CSMD1: variants seen among roughly 807,000 people sequenced by gnomAD.
CSMD1 encodes the protein CUB and sushi domain-containing protein 1.
CSMD1 carries 213 observed loss-of-function variants against 417.5 expected under a neutral mutation model. The ratio of observed to expected loss-of-function variants is 0.51; its 90% CI spans 0.46 to 0.57. The LOEUF is 0.57. Among genes scored for constraint, CSMD1 ranks in the 20% least tolerant of loss-of-function variants. The probability of loss-of-function intolerance (pLI) is 0.00; values close to 1 mark genes in which losing one functional copy is unlikely to be tolerated. For synonymous variants in CSMD1, 2,862 were observed against 1,736.8 expected (o/e 1.65, Z -16.11); for missense variants, 6,923 against 4,529.7 (o/e 1.53, Z -15.17).
chr8:4,959,468 G>A (rs773199582), intron 1 of CSMD1, among the ~76,000 whole-genome samples: 19 of 152,316 alleles, frequency 1.2e-4, no homozygotes, highest in African/African-American at 3.4e-4. Flanking sequence ...GAGAGGCAAC[G>A]CCCTCAGGAT....
intron 1 of CSMD1, among the ~76,000 whole-genome samples, chr8:4,718,192 G>C (rs560265706): frequency 8.8e-4 from 134 of 152,184 alleles, no homozygotes; most frequent in African/African-American, 3.1e-3. Context: ...GCCCAGGCTG[G>C]TCTCAAACTC....
chr8:3,875,375 G>C (rs926096966), intron 5 of CSMD1, among the ~76,000 whole-genome samples: 1 of 152,166 alleles, frequency 6.6e-6, no homozygotes, highest in Non-Finnish European at 1.5e-5. Flanking sequence ...TGACGTTTTG[G>C]CGACTTCTGC....
intron 8 of CSMD1, among the ~76,000 whole-genome samples, chr8:3,601,880 TAG>T (rs1303652538): frequency 6.6e-6 from 1 of 152,128 alleles, no homozygotes; most frequent in African/African-American, 2.4e-5. Flanking sequence ...AGGAGAGAGT[TAG>T]TGTTCACAGA....
chr8:3,255,598 C>A (rs1246263915), intron 26 of CSMD1, among the ~76,000 whole-genome samples: 1 of 152,182 alleles, frequency 6.6e-6, no homozygotes, highest in Non-Finnish European at 1.5e-5. Context: ...TTGCTGCAGC[C>A]CTGCAGTTTG....
Position 3,438,184 on chromosome 8 carries a change from T to C in CSMD1, c.1562-28579A>G, listed in dbSNP as rs182890184. Among the ~76,000 whole-genome samples the C allele has an allele frequency of 3.3e-3, 500 of 152,318 alleles. 3 individuals carry two copies. The highest frequency in any genetic ancestry group is 0.023 in the South Asian group (110 of 4,826). On this transcript the variant is annotated intron_variant, in intron 12 of 69. Coordinates refer to ENST00000635120, the MANE Select transcript of CSMD1 (RefSeq NM_033225.6). Reference sequence around the variant, plus strand: ...ATTATTTTTAACAAATTTTTGAATTTTGAGATAATTATAGATCCATATGCA... The same window carrying C: ...ATTATTTTTAACAAATTTTTGAATTCTGAGATAATTATAGATCCATATGCA...
chr8:4,265,019 A>C lies in CSMD1; in HGVS notation c.415+154934T>G, dbSNP rs555005827. On this transcript the variant is annotated intron_variant, in intron 3 of 69. Coordinates refer to ENST00000635120, the MANE Select transcript of CSMD1 (RefSeq NM_033225.6). ...CACTTATCAATATGTCAAGTATATA[A>C]ATTTAAGTTAATGTTGCTGAGGTCA... Among the ~76,000 whole-genome samples the C allele has an allele frequency of 8.8e-4, 134 of 152,274 alleles. No homozygotes were observed. The South Asian group carries it at 0.027, about 31-fold the overall frequency.
chr8:4,351,100 C>T (rs1183342228), intron 3 of CSMD1, among the ~76,000 whole-genome samples: 3 of 152,026 alleles, frequency 2.0e-5, no homozygotes, highest in Non-Finnish European at 2.9e-5. Context: ...CAGAGGATCG[C>T]CTGAGCCCAG....
intron 5 of CSMD1, among the ~76,000 whole-genome samples, chr8:3,871,842 C>T (rs569574088): frequency 1.3e-5 from 2 of 152,222 alleles, no homozygotes; most frequent in African/African-American, 4.8e-5. Context: ...ACACAATTAG[C>T]TTGTGAGCCA....
chr8:4,501,029 TA>T (rs745621398), intron 2 of CSMD1, among the ~76,000 whole-genome samples: 23 of 152,210 alleles, frequency 1.5e-4, no homozygotes, highest in Non-Finnish European at 2.8e-4. Context: ...TGGGAGTAAC[TA>T]CCTTGGGTTA....
chr8:3,970,934 G>A (rs145959245), intron 5 of CSMD1, among the ~76,000 whole-genome samples: 2,040 of 152,082 alleles, frequency 0.013, 25 homozygotes, highest in Non-Finnish European at 0.019. Context: ...TATTTTTAGT[G>A]GAGATGAGGT....
At chr8:4,947,329 T>C (rs1808435301) in intron 1 of CSMD1, among the ~76,000 whole-genome samples, 1 of 152,172 alleles carries the variant, frequency 6.6e-6, no homozygotes, top group Admixed American at 6.5e-5. Context: ...TCAGTTCTTC[T>C]CCCAGTTAAA....
At chr8:3,455,164 A>G (rs1816022582) in intron 12 of CSMD1, among the ~76,000 whole-genome samples, 2 of 152,122 alleles carry the variant, frequency 1.3e-5, no homozygotes, top group Non-Finnish European at 2.9e-5. Flanking sequence ...CAGTTCCATT[A>G]GGTCCTTTAA....
intron 2 of CSMD1, among the ~76,000 whole-genome samples, chr8:4,458,784 G>C (rs1799637340): frequency 6.6e-6 from 1 of 151,776 alleles, no homozygotes; most frequent in Non-Finnish European, 1.5e-5. Flanking sequence ...ATAACGGTTA[G>C]GAATATTTAA....
At chr8:3,609,329 C>A (rs1222169641) in intron 8 of CSMD1, among the ~76,000 whole-genome samples, 1 of 152,152 alleles carries the variant, frequency 6.6e-6, no homozygotes, top group Non-Finnish European at 1.5e-5. Flanking sequence ...TGAATACTTC[C>A]ATCAATCTTA....
At chr8:4,052,742 A>G (rs1798496840) in intron 3 of CSMD1, among the ~76,000 whole-genome samples, 1 of 151,352 alleles carries the variant, frequency 6.6e-6, no homozygotes, top group African/African-American at 2.5e-5. Context: ...ACATGATAAA[A>G]GAACAAGTTT....
chr8:3,948,180 G>A (rs904667764), intron 5 of CSMD1, among the ~76,000 whole-genome samples: 1 of 152,012 alleles, frequency 6.6e-6, no homozygotes, highest in African/African-American at 2.4e-5. Flanking sequence ...ACTGCAGCCT[G>A]GCAACAGACC....
intron 3 of CSMD1, among the ~76,000 whole-genome samples, chr8:4,380,732 C>T (rs1485690632): frequency 2.0e-5 from 3 of 152,156 alleles, no homozygotes; most frequent in African/African-American, 4.8e-5. Flanking sequence ...TATGGGAGCA[C>T]TTCATACTGT....
chr8:4,105,677 T>C (rs1340703978), intron 3 of CSMD1, among the ~76,000 whole-genome samples: 1 of 152,220 alleles, frequency 6.6e-6, no homozygotes, highest in Non-Finnish European at 1.5e-5. Context: ...TTAGCAGGTT[T>C]ACCTGTCATA....
chr8:3,610,017 G>C (rs997649314), intron 8 of CSMD1, among the ~76,000 whole-genome samples: 2 of 151,716 alleles, frequency 1.3e-5, no homozygotes, highest in Non-Finnish European at 2.9e-5. Context: ...GGCCAGGCTG[G>C]TCTCAAAATC....
Sources: allele counts gnomAD v4.1 joint callset (sites outside exome capture counted in the v4.1 genomes callset), GRCh38; gene constraint gnomAD v4.1.1; transcripts MANE v1.5; gene names NCBI Gene and HGNC (gene_info 2026-07-23, HGNC 2026-07-21).